Variants in SFTPD observed in about 807,000 individuals in gnomAD.
SFTPD encodes the protein surfactant protein D.
In SFTPD, 18 loss-of-function variants were observed where a neutral mutation model predicts 34.6. That is an observed-to-expected ratio of 0.52 (90% CI 0.36 to 0.77). The LOEUF is 0.77. SFTPD is among the 30% of genes least tolerant of loss of function. The pLI is 0.00. For synonymous variants in SFTPD, 155 were observed against 180.9 expected, an observed-to-expected ratio of 0.86 and a Z score of 1.15; for missense variants, 433 against 468.9, an observed-to-expected ratio of 0.92 and a Z score of 0.71.
At chr10:79,946,015 G>A (rs914447538) in intron 2 of SFTPD, among the ~76,000 whole-genome samples, 1 of 152,214 alleles carries the variant, frequency 6.6e-6, no homozygotes, top group African/African-American at 2.4e-5. Context: ...ATGTATTAGA[G>A]CAAATCCTCT....
At chr10:79,947,038 C>A (rs948507527) in intron 1 of SFTPD, among the ~76,000 whole-genome samples, 3 of 152,206 alleles carry the variant, frequency 2.0e-5, no homozygotes, top group African/African-American at 7.2e-5. Flanking sequence ...GGGCAGGACA[C>A]CCCCCGCCCA....
intron 6 of SFTPD, 139 bp downstream of exon 6, chr10:79,941,259 C>T (rs527278417): frequency 2.6e-4 from 197 of 751,232 alleles, no homozygotes; most frequent in African/African-American, 2.4e-3. Context: ...CCAGCCTGTC[C>T]GCCTTTCCTG....
chr10:79,968,796 G>A (rs1321472166), intron 1 of SFTPD: 2 of 152,156 alleles, frequency 1.3e-5, no homozygotes, highest in Non-Finnish European at 2.9e-5. Flanking sequence ...CACCAACAGT[G>A]TGTAAGCATT....
At position 79,937,760 on chromosome 10, in the gene SFTPD, C is replaced by A; in HGVS notation, c.*92G>T. The A allele has an allele frequency of 7.3e-7, 1 of 1,371,918 alleles. No individual in the cohort carries two copies. Among genetic ancestry groups the A allele is most frequent in the Non-Finnish European group, 9.8e-7 (1 of 1,019,634 alleles). The allele number at this position is 1,371,918 out of a possible 1,614,324, so 85.0% of individuals were successfully genotyped here. ...AGTCCTTCCCGGCACAGATGGTCAC[C>A]TTTTTATTAGGATATTGGCAGCATG... On this transcript the variant is annotated 3_prime_UTR_variant, in exon 8 of 8. Coordinates refer to ENST00000372292, the MANE Select transcript of SFTPD (RefSeq NM_003019.5).
In SFTPD at chr10:79,937,783, A is replaced by T. The variant is rs529407532; in HGVS notation, c.*69T>A. ...ACCTTTTTATTAGGATATTGGCAGCATGAGGGTCTAAGCCTTGACTTCTGG... is the reference window on the plus strand; with the variant it reads ...ACCTTTTTATTAGGATATTGGCAGCTTGAGGGTCTAAGCCTTGACTTCTGG... On this transcript the variant is annotated 3_prime_UTR_variant, in exon 8 of 8. Coordinates refer to ENST00000372292, the MANE Select transcript of SFTPD (RefSeq NM_003019.5). 960 of 1,460,498 alleles carry T rather than the reference A, an allele frequency of 6.6e-4. 15 individuals are homozygous for T. The South Asian group carries it at 0.013, about 19-fold the overall frequency. 90.5% of individuals were successfully genotyped at this position (1,460,498 alleles called of 1,614,324 possible).
intron 2 of SFTPD, among the ~76,000 whole-genome samples, chr10:79,945,051 A>G (rs935984364): frequency 1.3e-5 from 2 of 152,048 alleles, no homozygotes; most frequent in South Asian, 2.1e-4. Context: ...GCGATTGAGA[A>G]GCCAGAGTGG....
chr10:79,942,219 G>C, intron 4 of SFTPD, 149 bp from the exon 5 acceptor site: 1 of 748,348 alleles, frequency 1.3e-6, no homozygotes, highest in Non-Finnish European at 2.3e-6. Flanking sequence ...CTCTGTGGAG[G>C]GTGAGAGGAA....
At chr10:79,943,026 G>T in intron 2 of SFTPD, 147 bp from the exon 3 acceptor site, 1 of 611,780 alleles carries the variant, frequency 1.6e-6, no homozygotes, top group Middle Eastern at 4.2e-4. Flanking sequence ...GGTGATCCAG[G>T]AAATGGGTAT....
chr10:79,961,033 C>A (rs1292516056), intron 1 of SFTPD, among the ~76,000 whole-genome samples: 1 of 152,294 alleles, frequency 6.6e-6, no homozygotes, highest in East Asian at 1.9e-4. Context: ...CTGACAAAAA[C>A]AAGCAATGGG....
chr10:79,942,160 T>C, intron 4 of SFTPD, 90 bp from the exon 5 acceptor site: 1 of 949,692 alleles, frequency 1.1e-6, no homozygotes, highest in Non-Finnish European at 1.6e-6. Flanking sequence ...GCCCGCAACT[T>C]TAGGGTCAGA....
chr10:79,953,979 G>A (rs909810729), upstream of SFTPD, among the ~76,000 whole-genome samples: 7 of 150,070 alleles, frequency 4.7e-5, no homozygotes, highest in African/African-American at 1.2e-4. Flanking sequence ...AGTCCTTGAG[G>A]TCTTCAGTTC....
intron 4 of SFTPD, 67 bp from the exon 5 acceptor site, chr10:79,942,137 A>G: frequency 8.3e-7 from 1 of 1,212,088 alleles, no homozygotes; most frequent in Non-Finnish European, 1.2e-6. Context: ...TTTTGTTAGC[A>G]ATGGAGCTTT....
rs1410782850 is a variant in SFTPD at position 79,946,690 on chromosome 10, A to G, written c.-3-28T>C. On this transcript the variant is annotated intron_variant, in intron 1 of 7. Transcript: ENST00000372292. ...GGAGAGGTGAACAGAAAGAGAAAAG[A>G]CATGCTTATGCTTCATGGACATGGT... 2.5e-6 allele frequency: 4 copies of G among 1,595,510 alleles called. No individual in the cohort carries two copies. The South Asian group carries it at 4.5e-5, about 18-fold the overall frequency.
intron 1 of SFTPD, chr10:79,982,261 CG>C: frequency 4.3e-6 from 4 of 939,698 alleles, no homozygotes; most frequent in Non-Finnish European, 5.5e-6. Context: ...CGGGCGGCGG[CG>C]GGGGCGCTCG....
At chr10:79,957,046 G>A (rs1375843736) in intron 1 of SFTPD, among the ~76,000 whole-genome samples, 1 of 141,392 alleles carries the variant, frequency 7.1e-6, no homozygotes, top group Non-Finnish European at 1.5e-5. Context: ...AACAGGGTCT[G>A]GAGTGGACCT....
chr10:79,971,271 T>A (rs544074776), intron 1 of SFTPD: 4 of 152,212 alleles, frequency 2.6e-5, no homozygotes, highest in African/African-American at 9.6e-5. Flanking sequence ...AGTATTTATT[T>A]TGAGGAATTT....
upstream of SFTPD, among the ~76,000 whole-genome samples, chr10:79,951,491 T>C (rs1842710109): frequency 6.6e-6 from 1 of 152,092 alleles, no homozygotes; most frequent in African/African-American, 2.4e-5. Context: ...TATTATGCTG[T>C]ATAGATAGCT....
rs1842805778 is a variant in SFTPD at position 79,966,882 on chromosome 10, A to C, written c.36+15693T>G. On this transcript the variant is annotated intron_variant, in intron 1 of 5. Coordinates refer to the SFTPD transcript ENST00000444384. ...TTGTTTTTCTCAGGTTTGTCTTTGA[A>C]AACTGGCACAAGACAGGGATGCCCT... Among the ~76,000 whole-genome samples, 2 of 147,876 alleles carry C rather than the reference A, an allele frequency of 1.4e-5. 1 individual carries two copies. Among genetic ancestry groups the C allele is most frequent in the African/African-American group, 5.1e-5 (2 of 39,216 alleles).
rs2132489181 is a variant in SFTPD, at chr10:79,938,071, C to T, written c.909G>A (p.Leu303=). The T allele has an allele frequency of 6.2e-7, 1 of 1,614,166 alleles. No individual in the cohort carries two copies. Among genetic ancestry groups the T allele is most frequent in the Non-Finnish European group, 8.5e-7 (1 of 1,180,018 alleles). Residue 303 remains leucine, a synonymous_variant, in exon 8 of 8, where the codon CTG becomes CTA. Coordinates refer to ENST00000372292, the MANE Select transcript of SFTPD (RefSeq NM_003019.5). ...SAAENAALQQ[L]VVAKNEAAFL... ...AAGCAGCCTCGTTCTTAGCTACGACCAGCTGTTGCAAGGCGGCATTCTCAG... is the reference window on the plus strand; with the variant it reads ...AAGCAGCCTCGTTCTTAGCTACGACTAGCTGTTGCAAGGCGGCATTCTCAG...
Sources: allele counts gnomAD v4.1 joint callset (sites outside exome capture counted in the v4.1 genomes callset), GRCh38; gene constraint gnomAD v4.1.1; transcripts MANE v1.5; gene names NCBI Gene and HGNC (gene_info 2026-07-23, HGNC 2026-07-21).